MMP26: variants seen among roughly 807,000 people sequenced by gnomAD.
The protein encoded by MMP26 is matrix metalloproteinase-26.
Under a neutral mutation model 31.0 loss-of-function variants are expected in MMP26, and 33 were observed. That is an observed-to-expected ratio of 1.06 (90% CI 0.81 to 1.42). MMP26 has a LOEUF of 1.42. Ranked by LOEUF, MMP26 falls within the 40% of genes most tolerant of loss-of-function variation. The pLI is 0.00. For missense variants in MMP26, 347 were observed against 316.1 expected (o/e 1.10, Z -0.74); for synonymous variants, 122 against 114.9 (o/e 1.06, Z -0.40).
chr11:4,872,800 G>A (rs1243224179), intron 2 of MMP26, among the ~76,000 whole-genome samples: 2 of 152,020 alleles, frequency 1.3e-5, no homozygotes, highest in East Asian at 3.9e-4. Flanking sequence ...TACTTCTGAA[G>A]CTACAGAAGC....
intron 2 of MMP26, among the ~76,000 whole-genome samples, chr11:4,978,751 G>A (rs1846773248): frequency 1.3e-5 from 2 of 152,066 alleles, no homozygotes. Context: ...TACTTTGTCA[G>A]ACTAGCAGCA....
At chr11:4,751,640 C>T (rs545759200) in intron 1 of MMP26, among the ~76,000 whole-genome samples, 32 of 151,966 alleles carry the variant, frequency 2.1e-4, no homozygotes, top group Admixed American at 1.1e-3. Flanking sequence ...GAGGAAATTA[C>T]CATAGACAGG....
intron 2 of MMP26, chr11:4,794,042 A>G (rs1849069252): frequency 6.6e-6 from 1 of 152,196 alleles, no homozygotes; most frequent in South Asian, 2.1e-4. Flanking sequence ...TACAGCCTGC[A>G]ATGTCTGATA....
chr11:4,966,846 A>G lies in MMP26; in HGVS notation c.-144-21222A>G, dbSNP rs151272749. Among the ~76,000 whole-genome samples, 882 of 152,270 alleles carry G rather than the reference A, an allele frequency of 5.8e-3. 4 individuals are homozygous for G. The highest frequency in any genetic ancestry group is 0.02 in the African/African-American group (830 of 41,546). The stretch of plus-strand genomic sequence containing the variant: ...CTTTAATGAAGGGAATTCCTGTGAA[A>G]GCTTTTTTAAAAGATTGATAGTTGA... On this transcript the variant is annotated intron_variant, in intron 2 of 7. Transcript: ENST00000380390.
At chr11:4,953,119 T>C (rs1312837052) in intron 2 of MMP26, among the ~76,000 whole-genome samples, 1 of 125,846 alleles carries the variant, frequency 7.9e-6, no homozygotes, top group Non-Finnish European at 1.8e-5. Flanking sequence ...AAATTTCTCT[T>C]TGTACCATAT....
intron 2 of MMP26, among the ~76,000 whole-genome samples, chr11:4,818,900 T>A (rs1849455719): frequency 6.6e-6 from 1 of 151,998 alleles, no homozygotes; most frequent in African/African-American, 2.4e-5. Context: ...GGTTAGAGAG[T>A]GAATACATTT....
chr11:4,776,800 G>A (rs115126534), intron 2 of MMP26, among the ~76,000 whole-genome samples: 1,530 of 152,134 alleles, frequency 0.01, 42 homozygotes, highest in African/African-American at 0.035. Flanking sequence ...ATGAATGTAA[G>A]TTTCCCGAGT....
chr11:4,910,333 C>T (rs1003840076), intron 2 of MMP26, among the ~76,000 whole-genome samples: 12 of 151,948 alleles, frequency 7.9e-5, no homozygotes, highest in African/African-American at 2.9e-4. Context: ...GACTGGGTTC[C>T]CCTGGATAAT....
At chr11:4,882,959 T>G in intron 2 of MMP26, 1 of 1,188,662 alleles carries the variant, frequency 8.4e-7, no homozygotes, top group South Asian at 1.5e-5. Context: ...ACAGGTGTTT[T>G]GGTTGCTGAG....
At chr11:4,978,862 T>C (rs1846775212) in intron 2 of MMP26, among the ~76,000 whole-genome samples, 1 of 151,996 alleles carries the variant, frequency 6.6e-6, no homozygotes, top group Admixed American at 6.6e-5. Context: ...CATAAACAGA[T>C]GGTGAGGTGT....
chr11:4,924,208 G>A (rs776737867), intron 2 of MMP26: 25 of 1,614,172 alleles, frequency 1.5e-5, no homozygotes, highest in Non-Finnish European at 2.0e-5. Flanking sequence ...GAATGGTGAG[G>A]TTCCCCAAGA....
intron 2 of MMP26, among the ~76,000 whole-genome samples, chr11:4,922,743 A>T (rs1369707103): frequency 1.3e-5 from 2 of 152,086 alleles, no homozygotes; most frequent in Admixed American, 1.3e-4. Flanking sequence ...CCTCAATCTC[A>T]ATTACATCTT....
rs576630466 is a variant in MMP26 at position 4,756,111 on chromosome 11, T to C, written c.-216-11159T>C. On this transcript the variant is annotated intron_variant, in intron 1 of 7. Coordinates refer to ENST00000380390, the MANE Select transcript of MMP26 (RefSeq NM_021801.5). The stretch of plus-strand genomic sequence containing the variant: ...GCATTATGGAAAAACAAAGAACACA[T>C]TGGAAAAATGTCAAAATAATAAAAT... Among the ~76,000 whole-genome samples, 4 of 151,888 alleles carry C rather than the reference T, an allele frequency of 2.6e-5. No homozygotes were observed. The South Asian group carries it at 8.3e-4, about 32-fold the overall frequency.
intron 1 of MMP26, chr11:4,752,989 G>A (rs556423033): frequency 6.6e-6 from 1 of 152,218 alleles, no homozygotes; most frequent in South Asian, 2.1e-4. Flanking sequence ...ATGGCCTTTG[G>A]GAGCAGAATT....
intron 2 of MMP26, among the ~76,000 whole-genome samples, chr11:4,795,650 C>T (rs1009844191): frequency 6.6e-6 from 1 of 152,162 alleles, no homozygotes; most frequent in Non-Finnish European, 1.5e-5. Flanking sequence ...CTACATTAAA[C>T]ATTAAACATA....
intron 2 of MMP26, chr11:4,946,026 C>G: frequency 1.2e-6 from 1 of 821,416 alleles, no homozygotes; most frequent in Non-Finnish European, 1.9e-6. Context: ...TCGCAGTATC[C>G]AGAGTGAATA....
At chr11:4,947,089 GA>G in intron 2 of MMP26, 3 of 1,462,622 alleles carry the variant, frequency 2.1e-6, no homozygotes, top group Non-Finnish European at 2.8e-6. Flanking sequence ...ATGATGTGTT[GA>G]TAATGGACAT....
At chr11:4,779,706 A>C (rs1177608948) in intron 2 of MMP26, among the ~76,000 whole-genome samples, 2 of 152,082 alleles carry the variant, frequency 1.3e-5, no homozygotes, top group Non-Finnish European at 2.9e-5. Context: ...TTTTAAGAAA[A>C]TGTCAAATTT....
chr11:4,941,179 T>C (rs1337840314), intron 2 of MMP26, among the ~76,000 whole-genome samples: 2 of 152,200 alleles, frequency 1.3e-5, no homozygotes, highest in East Asian at 1.9e-4. Flanking sequence ...ATCAATAGAA[T>C]CAGTCATGAT....
Sources: allele counts gnomAD v4.1 joint callset (sites outside exome capture counted in the v4.1 genomes callset), GRCh38; gene constraint gnomAD v4.1.1; transcripts MANE v1.5; gene names NCBI Gene and HGNC (gene_info 2026-07-23, HGNC 2026-07-21).